Variants in JMJD1C observed in about 807,000 individuals in gnomAD.
The protein encoded by JMJD1C is jumonji domain-containing protein 1C.
A neutral mutation model predicts 245.3 loss-of-function variants in JMJD1C; 31 were observed. The ratio of observed to expected loss-of-function variants is 0.13; its 90% confidence interval spans 0.09 to 0.17. The LOEUF is 0.17. JMJD1C is among the 10% of genes least tolerant of loss of function. JMJD1C has a pLI of 1.00. For synonymous variants in JMJD1C, 1,057 were observed against 1,017.4 expected (o/e 1.04, Z -0.74); for missense variants, 2,691 against 3,000.2 (o/e 0.90, Z 2.41).
intron 1 of JMJD1C, among the ~76,000 whole-genome samples, chr10:63,383,016 T>A (rs1460153606): frequency 6.6e-6 from 1 of 152,042 alleles, no homozygotes; most frequent in African/African-American, 2.4e-5. Context: ...ATTATGCATG[T>A]AAACTCACTT....
chr10:63,267,042 T>C (rs985624724), intron 2 of JMJD1C, among the ~76,000 whole-genome samples: 2 of 152,292 alleles, frequency 1.3e-5, no homozygotes, highest in East Asian at 3.9e-4. Flanking sequence ...AAAATTTGGC[T>C]ACCAGAAATC....
intron 1 of JMJD1C, among the ~76,000 whole-genome samples, chr10:63,461,263 C>T (rs1449226044): frequency 6.6e-6 from 1 of 152,184 alleles, no homozygotes; most frequent in Non-Finnish European, 1.5e-5. Context: ...ACCAATTTTG[C>T]TATAGTAAAC....
chr10:63,428,960 T>C (rs2132819408), intron 1 of JMJD1C, among the ~76,000 whole-genome samples: 1 of 152,242 alleles, frequency 6.6e-6, no homozygotes, highest in East Asian at 1.9e-4. Context: ...AGGCTGTCCA[T>C]TCCTTATTGA....
At chr10:63,285,571 C>A (rs1419915226) in intron 2 of JMJD1C, among the ~76,000 whole-genome samples, 2 of 152,162 alleles carry the variant, frequency 1.3e-5, no homozygotes, top group Admixed American at 1.3e-4. Context: ...CCAATCCCAG[C>A]ACTTTGGGAA....
chr10:63,510,207 G>A (rs1300319449), intron 1 of JMJD1C, among the ~76,000 whole-genome samples: 5 of 151,944 alleles, frequency 3.3e-5, no homozygotes, highest in Non-Finnish European at 5.9e-5. Flanking sequence ...GTTTCACCAT[G>A]TTAGCCAGGA....
chr10:63,377,683 C>T (rs1258745367), intron 2 of JMJD1C, among the ~76,000 whole-genome samples: 1 of 151,768 alleles, frequency 6.6e-6, no homozygotes, highest in Non-Finnish European at 1.5e-5. Context: ...TGCAGTGAGA[C>T]GAGATTGCAC....
intron 2 of JMJD1C, among the ~76,000 whole-genome samples, chr10:63,369,158 TTCTTCTCC>T (rs1310022282): frequency 6.6e-6 from 1 of 151,998 alleles, no homozygotes; most frequent in African/African-American, 2.4e-5. Context: ...TCTCTCTCTT[TTCTTCTCC>T]TCTTCTCGTC....
chr10:63,459,269 T>C (rs1007302958), intron 1 of JMJD1C, among the ~76,000 whole-genome samples: 2 of 152,208 alleles, frequency 1.3e-5, no homozygotes, highest in Non-Finnish European at 2.9e-5. Context: ...TTAAAAAATG[T>C]AGTTGCTACA....
rs566389315 is a variant in JMJD1C at position 63,427,961 on chromosome 10, T to C, written c.168+37534A>G. 1.1e-4 allele frequency: 77 copies of C among 702,728 alleles called. 1 individual carries two copies. Among genetic ancestry groups the C allele is most frequent in the Middle Eastern group, 3.3e-4 (1 of 3,006 alleles). 43.5% of individuals were successfully genotyped at this position (702,728 alleles called of 1,614,324 possible). On this transcript the variant is annotated intron_variant, in intron 1 of 25. Coordinates refer to ENST00000399262, the MANE Select transcript of JMJD1C (RefSeq NM_032776.3). ...AGCAGCAGTTTGTGTGGCCAGCTCA[T>C]TGCCACCACAGCATCCCAGACAGTT...
chr10:63,207,034 G>A lies in JMJD1C; in HGVS notation c.4635C>T (p.Asn1545=). Residue 1545 remains asparagine, a synonymous_variant, in exon 10 of 26, where the codon AAC becomes AAT. Transcript: ENST00000399262. ...AGGCCTTTTTCAGTTTAGTATGGTA[G>A]TTTGGTTGACTTGTCTGGGAAGCTT... ...NGQASQTSQP[N]YHTKLKKAWL... The A allele has an allele frequency of 1.2e-6, 2 of 1,614,136 alleles. No homozygotes were observed. The highest frequency in any genetic ancestry group is 2.2e-5 in the South Asian group (2 of 91,070).
chr10:63,324,658 CCTA>C (rs1941310340), intron 2 of JMJD1C, among the ~76,000 whole-genome samples: 1 of 152,162 alleles, frequency 6.6e-6, no homozygotes. Context: ...TAACAAAACT[CCTA>C]CCTATAGAGC....
At chr10:63,438,473 G>C (rs1425474888) in intron 1 of JMJD1C, among the ~76,000 whole-genome samples, 1 of 152,148 alleles carries the variant, frequency 6.6e-6, no homozygotes, top group African/African-American at 2.4e-5. Flanking sequence ...CACCCCAAGA[G>C]TCTACTATCA....
chr10:63,335,507 T>C (rs1423032892), intron 2 of JMJD1C, among the ~76,000 whole-genome samples: 1 of 152,194 alleles, frequency 6.6e-6, no homozygotes, highest in Admixed American at 6.5e-5. Flanking sequence ...TGAACCATCA[T>C]ACTTGTTTTT....
chr10:63,429,106 G>A (rs10995533), intron 1 of JMJD1C, among the ~76,000 whole-genome samples: 2,605 of 152,094 alleles, frequency 0.017, 84 homozygotes, highest in African/African-American at 0.059. Flanking sequence ...TCGGCCTCCC[G>A]GGTAGCTGGG....
At chr10:63,190,480 G>A (rs956255083) in intron 17 of JMJD1C, among the ~76,000 whole-genome samples, 1 of 152,192 alleles carries the variant, frequency 6.6e-6, no homozygotes, top group Non-Finnish European at 1.5e-5. Flanking sequence ...GGGATTACAG[G>A]TGTGAGCCGC....
chr10:63,214,592 G>A lies in JMJD1C; in HGVS notation c.1575C>T (p.Asn525=), dbSNP rs771978909. The A allele has an allele frequency of 9.9e-6, 16 of 1,613,938 alleles. No homozygotes were observed. The Admixed American group carries it at 2.5e-4, about 25-fold the overall frequency. ...GTGTCTGAAGGCCAAAGGTACTTGA[G>A]TTTTCCTGAGCCACCTTTTCTAAAT... ...DTNLEKVAQE[N]SSTFGLQTLQ... The change falls in exon 8 of 26, where the codon AAC becomes AAT. Residue 525 remains asparagine (N), a synonymous_variant. Transcript: ENST00000399262.
At chr10:63,493,394 G>A (rs532688071) in intron 1 of JMJD1C, among the ~76,000 whole-genome samples, 41 of 149,766 alleles carry the variant, frequency 2.7e-4, no homozygotes, top group African/African-American at 9.6e-4. Context: ...CATGACTCCT[G>A]CCTCCGCCTC....
chr10:63,396,378 A>C (rs1242886503), intron 1 of JMJD1C, among the ~76,000 whole-genome samples: 1 of 152,172 alleles, frequency 6.6e-6, no homozygotes, highest in Non-Finnish European at 1.5e-5. Context: ...TAAGAGATAA[A>C]AAAGAACAGC....
chr10:63,394,697 A>C (rs900220094), intron 1 of JMJD1C, among the ~76,000 whole-genome samples: 4 of 152,042 alleles, frequency 2.6e-5, no homozygotes, highest in Admixed American at 6.5e-5. Context: ...ATACAAAATC[A>C]GTCAGGCTTG....
Sources: gnomAD v4.1 joint callset for allele counts (sites outside exome capture counted in the v4.1 genomes callset) on GRCh38, gnomAD v4.1.1 for gene constraint, MANE v1.5 for transcripts, NCBI Gene and HGNC (gene_info 2026-07-23, HGNC 2026-07-21) for gene names.